Variants in LAMA2 observed in about 807,000 individuals in gnomAD.
The protein encoded by LAMA2 is laminin subunit alpha-2.
In LAMA2, 269 loss-of-function variants were observed where a neutral mutation model predicts 364.8. That is an observed-to-expected ratio of 0.74 (90% confidence interval 0.67 to 0.82). LAMA2 has a LOEUF of 0.82. Ranked by LOEUF, LAMA2 falls within the 40% of genes least tolerant of loss-of-function variation. LAMA2 has a pLI of 0.00. For synonymous variants in LAMA2, 1,379 were observed against 1,370.6 expected (o/e 1.01, Z -0.14); for missense variants, 3,807 against 3,873.2 (o/e 0.98, Z 0.45).
At chr6:129,104,812 G>A (rs528323870) in intron 4 of LAMA2, among the ~76,000 whole-genome samples, 12 of 152,236 alleles carry the variant, frequency 7.9e-5, no homozygotes, top group Admixed American at 6.5e-4. Context: ...ATCAACAAAT[G>A]TTAGAGAACT....
intron 4 of LAMA2, among the ~76,000 whole-genome samples, chr6:129,137,922 G>T (rs1777898715): frequency 6.6e-6 from 1 of 152,064 alleles, no homozygotes; most frequent in Non-Finnish European, 1.5e-5. Context: ...GGGGAGTCAA[G>T]GGAGTTTGGA....
intron 4 of LAMA2, among the ~76,000 whole-genome samples, chr6:129,109,642 C>T (rs1776030007): frequency 6.6e-6 from 1 of 151,984 alleles, no homozygotes; most frequent in South Asian, 2.1e-4. Flanking sequence ...ATATATTTCT[C>T]CAAACTATAG....
intron 1 of LAMA2, among the ~76,000 whole-genome samples, chr6:129,033,412 G>A (rs573202921): frequency 3.7e-4 from 57 of 152,232 alleles, no homozygotes; most frequent in African/African-American, 1.3e-3. Flanking sequence ...TCCTGATGCT[G>A]TTGTATTCAT....
At chr6:129,200,109 CACGTATATATATGTGT>C (rs1782105634) in intron 12 of LAMA2, among the ~76,000 whole-genome samples, 5 of 106,346 alleles carry the variant, frequency 4.7e-5, no homozygotes, top group Admixed American at 4.0e-4. Context: ...TATATGTGTA[CACGTATATATATGTGT>C]ATATATATAC....
In LAMA2 at chr6:129,360,714, A is replaced by T. The variant is rs946661000; in HGVS notation, c.4718-5505A>T. ...AATGGAATGTATGAGCCCTTGAAAGAGCAATTAAATACATTTTCATTTCAA... is the reference window on the plus strand; with the variant it reads ...AATGGAATGTATGAGCCCTTGAAAGTGCAATTAAATACATTTTCATTTCAA... On this transcript the variant is annotated intron_variant, in intron 32 of 64. Coordinates refer to ENST00000421865, the MANE Select transcript of LAMA2 (RefSeq NM_000426.4). Among the ~76,000 whole-genome samples the T allele has an allele frequency of 2.0e-5, 3 of 152,366 alleles. No individual in the cohort carries two copies. In the South Asian group the frequency reaches 6.2e-4, roughly 32 times the overall value.
At chr6:129,016,249 G>A (rs528339804) in intron 1 of LAMA2, among the ~76,000 whole-genome samples, 2 of 152,104 alleles carry the variant, frequency 1.3e-5, no homozygotes, top group African/African-American at 4.8e-5. Context: ...CAAGTATGTG[G>A]TAAAAATCAC....
chr6:129,436,423 G>T (rs1047240564), intron 41 of LAMA2, among the ~76,000 whole-genome samples: 6 of 152,102 alleles, frequency 3.9e-5, no homozygotes, highest in African/African-American at 9.7e-5. Flanking sequence ...TTTATAGATT[G>T]CACCTGTACC....
intron 1 of LAMA2, among the ~76,000 whole-genome samples, chr6:128,935,228 C>A (rs6910290): frequency 0.12 from 17,204 of 147,310 alleles, 1,131 homozygotes; most frequent in African/African-American, 0.21. Flanking sequence ...CACACCCCCC[C>A]CAACAGACCC....
At chr6:129,157,059 C>T (rs1779156416) in intron 8 of LAMA2, among the ~76,000 whole-genome samples, 1 of 152,162 alleles carries the variant, frequency 6.6e-6, no homozygotes, top group South Asian at 2.1e-4. Context: ...ATCCCAAACA[C>T]ATCATCATCT....
At chr6:129,465,414 T>G (rs1783494139) in intron 51 of LAMA2, 125 bp downstream of exon 51, 2 of 835,262 alleles carry the variant, frequency 2.4e-6, no homozygotes, top group Admixed American at 3.9e-5. Context: ...GAAAAATTTA[T>G]ACAGTCATTT....
chr6:129,143,392 G>T (rs1778244098), intron 4 of LAMA2, among the ~76,000 whole-genome samples: 1 of 151,518 alleles, frequency 6.6e-6, no homozygotes, highest in Non-Finnish European at 1.5e-5. Flanking sequence ...TGATAGATTT[G>T]TCTAGTTTTC....
At position 129,300,777 on chromosome 6, in the gene LAMA2, A is replaced by G. The variant is rs750128766; in HGVS notation, c.3079A>G (p.Thr1027Ala). ...SHLGNNCDPK[T>A]GRCICPPNTI... ...TCTGGGTAATAATTGTGACCCAAAGACTGGGCGATGCATTTGCCCTCCCAA... is the reference window on the plus strand; with the variant it reads ...TCTGGGTAATAATTGTGACCCAAAGGCTGGGCGATGCATTTGCCCTCCCAA... The change falls in exon 22 of 65, where the codon ACT (threonine) becomes GCT (alanine). Residue 1027 changes from threonine (T) to alanine (A), a missense_variant. Coordinates refer to ENST00000421865, the MANE Select transcript of LAMA2 (RefSeq NM_000426.4). 5 of 1,613,658 alleles carry G rather than the reference A, an allele frequency of 3.1e-6. No homozygotes were observed. In the African/African-American group the frequency reaches 6.7e-5, roughly 22 times the overall value.
In LAMA2 at chr6:129,154,680, A is replaced by G. The variant is rs1427508803; in HGVS notation, c.1203A>G (p.Lys401=). Residue 401 remains lysine (K), a synonymous_variant, in exon 8 of 65, where the codon AAA becomes AAG. Transcript: ENST00000421865. Reference sequence around the variant, plus strand: ...GTACTGATGGCTTCTTCAGACCCAAAGGGGTAAAGTATGCTTTTTCTTTCA... The same window carrying G: ...GTACTGATGGCTTCTTCAGACCCAAGGGGGTAAAGTATGCTTTTTCTTTCA... ...ETCTDGFFRP[K]GVSPNYPRPC... is the part of the protein sequence containing the mutation. 3.7e-6 allele frequency: 6 copies of G among 1,612,952 alleles called. No homozygotes were observed. The South Asian group carries it at 6.6e-5, about 18-fold the overall frequency.
intron 51 of LAMA2, among the ~76,000 whole-genome samples, chr6:129,472,955 T>G (rs1783884697): frequency 6.6e-6 from 1 of 152,034 alleles, no homozygotes; most frequent in African/African-American, 2.4e-5. Flanking sequence ...TGTTCAGTTA[T>G]AGTTATCTCT....
intron 12 of LAMA2, among the ~76,000 whole-genome samples, chr6:129,200,174 A>G (rs1490871852): frequency 6.8e-6 from 1 of 147,822 alleles, no homozygotes; most frequent in African/African-American, 2.5e-5. Flanking sequence ...ATACGTGTAC[A>G]CATATACATG....
intron 54 of LAMA2, among the ~76,000 whole-genome samples, chr6:129,480,780 T>C (rs1426904042): frequency 6.6e-6 from 1 of 152,172 alleles, no homozygotes; most frequent in Non-Finnish European, 1.5e-5. Context: ...TTTGGTCTTA[T>C]CACTGGGGAA....
rs1283730544 is a variant in LAMA2 at position 129,464,308 on chromosome 6, T to G, written c.7011T>G (p.Ser2337Arg). 6.2e-7 allele frequency: 1 copy of G among 1,612,062 alleles called. No homozygotes were observed. Among genetic ancestry groups the G allele is most frequent in the South Asian group, 1.1e-5 (1 of 91,068 alleles). Residue 2337 changes from serine to arginine, a missense_variant, in exon 50 of 65, where the codon AGT becomes AGG. Physicochemically the swap from Ser to Arg is moderately radical, Grantham distance 110. This residue lies in a region of LAMA2 where 3,333 missense variants were observed against 3,345.7 expected (regional missense o/e 1.00). Coordinates refer to ENST00000421865, the MANE Select transcript of LAMA2 (RefSeq NM_000426.4). ...TTCTCAGTCCTCAGGTGGAAGATAG[T>G]GAGGGGACTATTCAATTTGATGGAG... Reference protein sequence around the residue: ...GCTVSPQVEDSEGTIQFDGEG... With the variant: ...GCTVSPQVEDREGTIQFDGEG...
rs538931742 is a variant in LAMA2, at chr6:128,911,867, T to A, written c.112+28510T>A. Among the ~76,000 whole-genome samples the A allele has an allele frequency of 4.6e-5, 7 of 152,200 alleles. No individual in the cohort carries two copies. In the South Asian group the frequency reaches 1.0e-3, roughly 23 times the overall value. ...TCTTATCTGATTAGTTTCATCTGTC[T>A]TAGAATTTCCTTTATATGAAACACC... On this transcript the variant is annotated intron_variant, in intron 1 of 64. Transcript: ENST00000421865.
intron 1 of LAMA2, among the ~76,000 whole-genome samples, chr6:128,907,459 G>A (rs1254144204): frequency 3.3e-5 from 5 of 152,182 alleles, no homozygotes; most frequent in Non-Finnish European, 5.9e-5. Flanking sequence ...GTATAAGAAT[G>A]CTTGTGATTT....
Sources: gnomAD v4.1 joint callset for allele counts (sites outside exome capture counted in the v4.1 genomes callset) on GRCh38, gnomAD v4.1.1 for gene constraint, gnomAD v4.1.1 regional missense constraint, MANE v1.5 for transcripts, NCBI Gene and HGNC (gene_info 2026-07-23, HGNC 2026-07-21) for gene names.